The following FNDC3A variants were observed in gnomAD, a reference collection of about 807,000 sequenced individuals.
The protein encoded by FNDC3A is fibronectin type-III domain-containing protein 3A.
In FNDC3A, 32 loss-of-function variants were observed where a neutral mutation model predicts 148.9. The observed-to-expected ratio is 0.21, with a 90% CI of 0.16 to 0.29. The LOEUF is 0.29. FNDC3A is among the 10% of genes least tolerant of loss of function. FNDC3A has a pLI of 1.00. For missense variants in FNDC3A, 1,191 were observed against 1,452.8 expected (o/e 0.82, Z 2.93); for synonymous variants, 472 against 473.6 (o/e 1.00, Z 0.04).
intron 8 of FNDC3A, among the ~76,000 whole-genome samples, chr13:49,157,847 AG>A (rs1337025704): frequency 7.3e-6 from 1 of 136,472 alleles, no homozygotes; most frequent in African/African-American, 2.8e-5. Context: ...GTCAGGGGTC[AG>A]GGACCCACTT....
Position 49,121,064 on chromosome 13 carries a change from G to A in FNDC3A, c.252+6333G>A, listed in dbSNP as rs150307572. 8.4e-3 allele frequency among the ~76,000 whole-genome samples: 1,273 copies of A among 152,054 alleles called. 20 individuals carry two copies. The highest frequency in any genetic ancestry group is 0.029 in the African/African-American group (1,192 of 41,494). ...TACATTCTTCTCAGCACCACATCAC[G>A]CTTATTCTAAAACTCACCACATAAT... On this transcript the variant is annotated intron_variant, in intron 4 of 25. Coordinates refer to ENST00000492622, the MANE Select transcript of FNDC3A (RefSeq NM_001079673.2).
At chr13:49,143,529 G>A (rs533587728) in intron 7 of FNDC3A, among the ~76,000 whole-genome samples, 70 of 152,132 alleles carry the variant, frequency 4.6e-4, no homozygotes, top group African/African-American at 1.6e-3. Flanking sequence ...TAATAGTTTT[G>A]ACAAAAATGC....
chr13:49,019,392 T>C (rs1019505881), intron 2 of FNDC3A, among the ~76,000 whole-genome samples: 2 of 152,230 alleles, frequency 1.3e-5, no homozygotes, highest in East Asian at 3.9e-4. Flanking sequence ...CCCCTTTCTT[T>C]GACTAGGAAA....
chr13:49,148,735 G>A (rs1363946676), intron 8 of FNDC3A, among the ~76,000 whole-genome samples: 3 of 152,004 alleles, frequency 2.0e-5, no homozygotes, highest in Non-Finnish European at 4.4e-5. Flanking sequence ...TTATATTTCT[G>A]TGAAAAATGA....
intron 11 of FNDC3A, among the ~76,000 whole-genome samples, chr13:49,173,500 A>T (rs577933889): frequency 6.6e-6 from 1 of 152,314 alleles, no homozygotes; most frequent in Non-Finnish European, 1.5e-5. Flanking sequence ...AAACAAAGGC[A>T]TTTTTATGCA....
At position 49,187,548 on chromosome 13, in the gene FNDC3A, CATCTT is replaced by C. The variant is rs1885646232; in HGVS notation, c.1825+360_1825+364del. 13 of 1,610,648 alleles carry C rather than the reference CATCTT, an allele frequency of 8.1e-6. 1 individual carries two copies. Among genetic ancestry groups the C allele is most frequent in the South Asian group, 3.3e-5 (3 of 90,898 alleles). The stretch of plus-strand genomic sequence containing the variant: ...CAAATGCAGATCCAAAGTACAAACA[CATCTT>C]AGCTAGTAACGACCACTTGTTTTCC... On this transcript the variant is annotated intron_variant, in intron 16 of 25. Transcript: ENST00000492622.
intron 16 of FNDC3A, among the ~76,000 whole-genome samples, chr13:49,188,091 C>T (rs915151289): frequency 1.3e-5 from 2 of 152,146 alleles, no homozygotes; most frequent in Admixed American, 6.5e-5. Context: ...TTGAATCACA[C>T]ATTTAGCAGT....
At chr13:49,121,899 C>T (rs1247165857) in intron 4 of FNDC3A, among the ~76,000 whole-genome samples, 2 of 152,180 alleles carry the variant, frequency 1.3e-5, no homozygotes, top group African/African-American at 4.8e-5. Context: ...GATGGATTCA[C>T]AGCCTAATTC....
chr13:48,975,841 G>A (rs907345910), upstream of FNDC3A: 2 of 151,528 alleles, frequency 1.3e-5, no homozygotes, highest in Admixed American at 6.6e-5. Flanking sequence ...GCGGGGGTTC[G>A]GGGTCCCGGC....
rs772100683 is a variant in FNDC3A at position 49,131,234 on chromosome 13, C to T, written c.350C>T (p.Pro117Leu). Residue 117 changes from proline (P) to leucine (L), a missense_variant, in exon 5 of 26, where the codon CCT becomes CTT. By Grantham distance (98) the Pro-to-Leu change is moderately conservative. Coordinates refer to ENST00000492622, the MANE Select transcript of FNDC3A (RefSeq NM_001079673.2). ...ACAGTTCTCCACCGTTCTCCACATC[C>T]TCCTCTACCTGGTTTCATTCCTGTC... ...SHTVLHRSPH[P>L]PLPGFIPVPT... 3 of 1,613,934 alleles carry T rather than the reference C, an allele frequency of 1.9e-6. No individual in the cohort carries two copies. The East Asian group carries it at 6.7e-5, about 36-fold the overall frequency.
chr13:49,204,808 C>CTTAG (rs1886574720), intron 25 of FNDC3A, among the ~76,000 whole-genome samples: 1 of 152,152 alleles, frequency 6.6e-6, no homozygotes, highest in South Asian at 2.1e-4. Flanking sequence ...TCTCTTCCTG[C>CTTAG]TTAGAGGTCT....
At chr13:49,151,458 G>T (rs969022402) in intron 8 of FNDC3A, among the ~76,000 whole-genome samples, 3 of 152,092 alleles carry the variant, frequency 2.0e-5, no homozygotes, top group Admixed American at 6.6e-5. Context: ...CTTTCAGTCT[G>T]TATGTATCTT....
intron 2 of FNDC3A, among the ~76,000 whole-genome samples, chr13:49,051,169 A>G (rs1875814257): frequency 1.3e-5 from 2 of 152,108 alleles, no homozygotes; most frequent in Non-Finnish European, 2.9e-5. Context: ...GAGATGTGAG[A>G]TACTGTTCTC....
intron 1 of FNDC3A, among the ~76,000 whole-genome samples, chr13:48,976,392 C>T (rs1011282989): frequency 1.3e-5 from 2 of 152,186 alleles, no homozygotes; most frequent in East Asian, 3.9e-4. Context: ...GGGGACAGGA[C>T]CGGTCTACTA....
intron 2 of FNDC3A, among the ~76,000 whole-genome samples, chr13:49,028,070 A>G (rs1873847245): frequency 6.6e-6 from 1 of 151,970 alleles, no homozygotes; most frequent in African/African-American, 2.4e-5. Flanking sequence ...AAAATTAGCC[A>G]GGTGTCTGGT....
chr13:49,008,919 TCTC>T (rs1952278596), intron 2 of FNDC3A, among the ~76,000 whole-genome samples: 1 of 122,776 alleles, frequency 8.1e-6, no homozygotes, highest in South Asian at 2.5e-4. Flanking sequence ...TACCACCTCT[TCTC>T]CACAGTTTCT....
intron 4 of FNDC3A, among the ~76,000 whole-genome samples, chr13:49,127,682 A>G (rs1439414049): frequency 1.3e-5 from 2 of 152,154 alleles, no homozygotes; most frequent in African/African-American, 4.8e-5. Context: ...TTAACAGTCT[A>G]TTCAACATTT....
At chr13:49,042,118 T>A (rs1396282465) in intron 2 of FNDC3A, among the ~76,000 whole-genome samples, 7 of 152,200 alleles carry the variant, frequency 4.6e-5, no homozygotes, top group South Asian at 2.1e-4. Context: ...CTTATGAAGA[T>A]CTTGGGAGAA....
intron 2 of FNDC3A, among the ~76,000 whole-genome samples, chr13:49,056,545 T>G (rs935331037): frequency 6.6e-6 from 1 of 152,218 alleles, no homozygotes; most frequent in Non-Finnish European, 1.5e-5. Flanking sequence ...TTGCCTTTCT[T>G]CATTCTCTGT....
Sources: allele counts gnomAD v4.1 joint callset (sites outside exome capture counted in the v4.1 genomes callset), GRCh38; gene constraint gnomAD v4.1.1; transcripts MANE v1.5; gene names NCBI Gene and HGNC (gene_info 2026-07-23, HGNC 2026-07-21).